The following PMFBP1 variants were observed in gnomAD, a reference collection of about 807,000 sequenced individuals.
PMFBP1 encodes polyamine modulated factor 1 binding protein 1.
PMFBP1 carries 131 observed loss-of-function variants against 137.8 expected under a neutral mutation model. The ratio of observed to expected loss-of-function variants is 0.95; its 90% confidence interval spans 0.82 to 1.10. PMFBP1 has a LOEUF of 1.10. Ranked by LOEUF, PMFBP1 falls within the 50% of genes least tolerant of loss-of-function variation. PMFBP1 has a pLI of 0.00. For missense variants in PMFBP1, 1,199 were observed against 1,175.4 expected (o/e 1.02, Z -0.29); for synonymous variants, 490 against 450.4 (o/e 1.09, Z -1.11).
chr16:72,152,497 C>T (rs1224097861), intron 4 of PMFBP1, among the ~76,000 whole-genome samples: 1 of 152,096 alleles, frequency 6.6e-6, no homozygotes, highest in Non-Finnish European at 1.5e-5. Context: ...GGGAGTGTGC[C>T]TTTCCTTTCC....
At chr16:72,142,889 C>G (rs2042744707) in intron 5 of PMFBP1, among the ~76,000 whole-genome samples, 1 of 151,774 alleles carries the variant, frequency 6.6e-6, no homozygotes, top group Admixed American at 6.6e-5. Flanking sequence ...CACCAATATG[C>G]AAGGAAAGCA....
chr16:72,184,534 G>T, the PMFBP1 span, among the ~76,000 whole-genome samples: 1 of 152,204 alleles, frequency 6.6e-6, no homozygotes, highest in Non-Finnish European at 1.5e-5. Context: ...CTGCATAACA[G>T]CCCTATGGGT....
the PMFBP1 span, among the ~76,000 whole-genome samples, chr16:72,191,974 A>T: frequency 6.6e-6 from 1 of 152,246 alleles, no homozygotes; most frequent in East Asian, 1.9e-4. Flanking sequence ...CAGCATATAC[A>T]TAAGCTATGA....
chr16:72,221,617 T>C, the PMFBP1 span, among the ~76,000 whole-genome samples: 3 of 152,060 alleles, frequency 2.0e-5, no homozygotes, highest in African/African-American at 7.2e-5. Context: ...AGGGAGAGTA[T>C]GGGGAAGGAG....
At chr16:72,198,372 G>T in the PMFBP1 span, among the ~76,000 whole-genome samples, 16 of 152,106 alleles carry the variant, frequency 1.1e-4, no homozygotes. Flanking sequence ...TCTTACTCAG[G>T]CAGCCCCAGC....
intron 14 of PMFBP1, among the ~76,000 whole-genome samples, chr16:72,126,903 T>G (rs2042468370): frequency 6.6e-6 from 1 of 152,250 alleles, no homozygotes; most frequent in Admixed American, 6.5e-5. Context: ...GAAATCATTT[T>G]AACTGTTTCG....
At chr16:72,182,510 A>G in the PMFBP1 span, among the ~76,000 whole-genome samples, 1 of 151,992 alleles carries the variant, frequency 6.6e-6, no homozygotes, top group African/African-American at 2.4e-5. Flanking sequence ...AAAAAAAAAA[A>G]AAAAAAGGCC....
At chr16:72,214,777 G>A in the PMFBP1 span, among the ~76,000 whole-genome samples, 1 of 151,938 alleles carries the variant, frequency 6.6e-6, no homozygotes, top group African/African-American at 2.4e-5. Context: ...GATGTCAGCA[G>A]GTACATCAAA....
At chr16:72,159,409 T>C (rs1404542770) in intron 3 of PMFBP1, among the ~76,000 whole-genome samples, 1 of 152,226 alleles carries the variant, frequency 6.6e-6, no homozygotes, top group Non-Finnish European at 1.5e-5. Context: ...CTGGGTTTAA[T>C]TTTGGTCTGA....
At position 72,171,222 on chromosome 16, in the gene PMFBP1, C is replaced by T. The variant is rs779673615; in HGVS notation, c.-14G>A. The T allele has an allele frequency of 1.5e-5, 24 of 1,613,614 alleles. No homozygotes were observed. Among genetic ancestry groups the T allele is most frequent in the Non-Finnish European group, 1.9e-5 (22 of 1,179,726 alleles). On this transcript the variant is annotated 5_prime_UTR_variant, in exon 2 of 21. Transcript: ENST00000237353. ...CTCATCTTTCATTTCCTTGGCAGCT[C>T]TCAATTCTCCTTTAACCTTTAGTAT...
At chr16:72,136,849 G>A (rs2042640547) in intron 7 of PMFBP1, 30 bp from the exon 8 acceptor site, 4 of 1,613,440 alleles carry the variant, frequency 2.5e-6, no homozygotes, top group African/African-American at 2.7e-5. Context: ...GGCAGGATGA[G>A]GAGATGAGAG....
At chr16:72,202,121 C>T in the PMFBP1 span, among the ~76,000 whole-genome samples, 1 of 152,134 alleles carries the variant, frequency 6.6e-6, no homozygotes, top group African/African-American at 2.4e-5. Context: ...TGAGTAGAAA[C>T]CCTTGAATGA....
the PMFBP1 span, among the ~76,000 whole-genome samples, chr16:72,222,809 C>A: frequency 2.0e-5 from 3 of 152,068 alleles, no homozygotes; most frequent in Admixed American, 1.3e-4. Flanking sequence ...AAGCCCTTAG[C>A]AAAGTGCCTG....
rs545203909 is a variant in PMFBP1 at position 72,130,139 on chromosome 16, G to A, written c.1782+74C>T. 1.3e-4 allele frequency: 201 copies of A among 1,576,646 alleles called. 1 individual carries two copies. In the African/African-American group the frequency reaches 2.0e-3, roughly 16 times the overall value. ...CAAAGAGCTGAGATTACAGGTGTGAGCCACTGCTCCTAGTCTGTGTTTTAT... is the reference window on the plus strand; with the variant it reads ...CAAAGAGCTGAGATTACAGGTGTGAACCACTGCTCCTAGTCTGTGTTTTAT... On this transcript the variant is annotated intron_variant, in intron 12 of 20. Transcript: ENST00000237353.
chr16:72,120,971 T>C (rs952772879), intron 19 of PMFBP1, among the ~76,000 whole-genome samples: 8 of 152,208 alleles, frequency 5.3e-5, no homozygotes, highest in Non-Finnish European at 1.2e-4. Flanking sequence ...TAATATGTAT[T>C]AGTTGAGCTA....
At chr16:72,239,885 C>CAAAAAAAAAAAA in the PMFBP1 span, among the ~76,000 whole-genome samples, 1 of 21,402 alleles carries the variant, frequency 4.7e-5, no homozygotes, top group Non-Finnish European at 9.0e-5. Flanking sequence ...ACTCCATGTA[C>CAAAAAAAAAAAA]AAAAAAAAAA....
chr16:72,231,783 TTA>T, the PMFBP1 span, among the ~76,000 whole-genome samples: 1 of 152,208 alleles, frequency 6.6e-6, no homozygotes, highest in South Asian at 2.1e-4. Context: ...TTCTTAATTT[TTA>T]TATGTGTTTT....
the PMFBP1 span, among the ~76,000 whole-genome samples, chr16:72,239,982 G>GATATACTC: frequency 5.6e-3 from 841 of 151,448 alleles, 14 homozygotes; most frequent in African/African-American, 0.018. Context: ...TAAAATAGGA[G>GATATACTC]ATATACTCGA....
rs2043120912 is a variant in PMFBP1, at chr16:72,164,809, C to T, written c.120G>A (p.Leu40=). 1.2e-6 allele frequency: 2 copies of T among 1,607,378 alleles called. No homozygotes were observed. Among genetic ancestry groups the T allele is most frequent in the African/African-American group, 1.3e-5 (1 of 74,836 alleles). The change falls in exon 3 of 21, where the codon TTG becomes TTA. Residue 40 remains leucine (L), a synonymous_variant. Transcript: ENST00000237353. ...CCTCCATGCAGAGCTGATTGTCCTG[C>T]AAGGTCTTCCTCTGTCTCTTGCAGA... is the stretch of plus-strand genomic sequence containing the variant. The part of the protein sequence containing the change: ...HDVCKRQRKT[L]QDNQLCMEEA...
Sources: gnomAD v4.1 joint callset for allele counts (sites outside exome capture counted in the v4.1 genomes callset) on GRCh38, gnomAD v4.1.1 for gene constraint, MANE v1.5 for transcripts, NCBI Gene and HGNC (gene_info 2026-07-23, HGNC 2026-07-21) for gene names.